Variants in MYO15A observed in about 807,000 individuals in gnomAD.
The protein encoded by MYO15A is myosin XVA, also known as unconventional myosin-XV.
In MYO15A, 308 loss-of-function variants were observed where a neutral mutation model predicts 394.6. The ratio of observed to expected loss-of-function variants is 0.78; its 90% CI spans 0.71 to 0.86. The LOEUF (loss-of-function observed/expected upper bound fraction) is 0.86, where lower values mean the gene tolerates loss of function less well. MYO15A is among the 40% of genes least tolerant of loss of function. The pLI is 0.00. For synonymous variants in MYO15A, 1,957 were observed against 2,003.8 expected (o/e 0.98, Z 0.62); for missense variants, 4,606 against 4,799.1 (o/e 0.96, Z 1.19).
At chr17:18,138,774 C>T in intron 17 of MYO15A, 37 bp from the exon 18 acceptor site, 3 of 1,611,094 alleles carry the variant, frequency 1.9e-6, no homozygotes, top group Non-Finnish European at 2.5e-6. Context: ...GGTGTCCAGG[C>T]CTCCTGCCCA....
intron 44 of MYO15A, 88 bp downstream of exon 44, chr17:18,154,278 C>A: frequency 1.3e-6 from 2 of 1,502,370 alleles, no homozygotes; most frequent in South Asian, 1.1e-5. Context: ...CCTGCCTCTG[C>A]ATGTTGGGAT....
At chr17:18,159,113 C>A in intron 53 of MYO15A, 116 bp downstream of exon 53, 1 of 1,397,802 alleles carries the variant, frequency 7.2e-7, no homozygotes, top group Non-Finnish European at 1.0e-6. Context: ...TTCTCAGCAC[C>A]CTGATTCCCT....
rs780789191 is a variant in MYO15A at position 18,120,364 on chromosome 17, G to C, written c.1564G>C (p.Val522Leu). Residue 522 changes from valine to leucine, a missense_variant, in exon 2 of 66, where the codon GTT becomes CTT. Val to Leu is a conservative substitution (Grantham distance 32). This residue lies in a region of MYO15A where 1,830 missense variants were observed against 1,689.7 expected (regional missense o/e 1.08). Coordinates refer to ENST00000647165, the MANE Select transcript of MYO15A (RefSeq NM_016239.4). ...EEEDEEELPP[V>L]SAVPYGHPFW... is the part of the protein sequence containing the mutation. ...AGAGGACGAGGAGGAGCTGCCCCCG[G>C]TTTCCGCTGTGCCCTACGGCCACCC... The C allele has an allele frequency of 2.5e-6, 4 of 1,612,032 alleles. No homozygotes were observed. Among genetic ancestry groups the C allele is most frequent in the Non-Finnish European group, 3.4e-6 (4 of 1,179,940 alleles).
chr17:18,111,341 G>GAAAAAAAAAA (rs57095827), intron 1 of MYO15A, among the ~76,000 whole-genome samples: 2 of 118,948 alleles, frequency 1.7e-5, no homozygotes, highest in Admixed American at 8.4e-5. Context: ...TCTCAAAAGA[G>GAAAAAAAAAA]AAAAAAAAAA....
intron 1 of MYO15A, 125 bp from the exon 2 acceptor site, chr17:18,118,457 C>T: frequency 2.9e-6 from 1 of 348,994 alleles, no homozygotes; most frequent in Non-Finnish European, 5.4e-6. Flanking sequence ...GAGGGCCTAA[C>T]CAGGATGAGC....
intron 55 of MYO15A, 84 bp downstream of exon 55, chr17:18,159,763 A>T (rs761161358): frequency 6.5e-7 from 1 of 1,533,794 alleles, no homozygotes; most frequent in Non-Finnish European, 9.0e-7. Context: ...ACAGGACATT[A>T]GGGTGGGAAA....
chr17:18,111,453 C>A (rs2045720740), intron 1 of MYO15A, among the ~76,000 whole-genome samples: 1 of 152,122 alleles, frequency 6.6e-6, no homozygotes, highest in African/African-American at 2.4e-5. Context: ...CCCCAAGTGC[C>A]CTGCACAGTG....
rs1597825737 is a variant in MYO15A, at chr17:18,172,624, T to C, written c.10350+334T>C. 7.9e-6 allele frequency: 3 copies of C among 380,540 alleles called. No individual in the cohort carries two copies. The East Asian group carries it at 2.0e-4, about 25-fold the overall frequency. The allele number at this position is 380,540 out of a possible 1,614,324, so 23.6% of individuals were successfully genotyped here. A position where few individuals can be genotyped will look rare whatever the true frequency, so the allele number is the denominator to read the frequency against. On this transcript the variant is annotated intron_variant, in intron 64 of 65. Transcript: ENST00000647165. Reference sequence around the variant, plus strand: ...AACAGAAGTTTATTTCTCACAATTCTGGAGGCTGGCGGTCCAAGGTCAAGG... The same window carrying C: ...AACAGAAGTTTATTTCTCACAATTCCGGAGGCTGGCGGTCCAAGGTCAAGG...
Position 18,118,833 on chromosome 17 carries a change from C to G in MYO15A, c.33C>G (p.Ala11=). The G allele has an allele frequency of 1.9e-6, 3 of 1,610,638 alleles. No individual in the cohort carries two copies. Among genetic ancestry groups the G allele is most frequent in the Non-Finnish European group, 1.7e-6 (2 of 1,178,432 alleles). The change falls in exon 2 of 66, where the codon GCC becomes GCG. Residue 11 remains alanine (A), a synonymous_variant. Coordinates refer to ENST00000647165, the MANE Select transcript of MYO15A (RefSeq NM_016239.4). MAKEEDEEKK[A]KKGKKGKKAP... The stretch of plus-strand genomic sequence containing the variant: ...AGGAGGAAGATGAGGAGAAGAAAGC[C>G]AAGAAAGGGAAGAAGGGGAAGAAGG...
chr17:18,156,718 A>T (rs988040045), intron 48 of MYO15A, among the ~76,000 whole-genome samples: 1 of 152,192 alleles, frequency 6.6e-6, no homozygotes, highest in Non-Finnish European at 1.5e-5. Context: ...CTTCAGCAGG[A>T]AAGTCTGTGA....
intron 22 of MYO15A, 146 bp downstream of exon 22, chr17:18,141,289 T>G: frequency 8.2e-7 from 1 of 1,224,888 alleles, no homozygotes; most frequent in Non-Finnish European, 1.2e-6. Context: ...ATGCTAACTG[T>G]TAATGTGGTA....
rs1169052970 is a variant in MYO15A, at chr17:18,156,976, T to C, written c.8624T>C (p.Val2875Ala). ...CAGGACTCTGACTACGTGGTCGCTG[T>C]GAGGAACTTCCTGCCTGAGGACCCT... ...LKKDSDYVVA[V>A]RNFLPEDPAL... Residue 2875 changes from valine (V) to alanine (A), a missense_variant, in exon 49 of 66, where the codon GTG (valine) becomes GCG (alanine). By Grantham distance (64) the Val-to-Ala change is moderately conservative (BLOSUM62 0). Transcript: ENST00000647165. 4 of 1,614,024 alleles carry C rather than the reference T, an allele frequency of 2.5e-6. No homozygotes were observed. Among genetic ancestry groups the C allele is most frequent in the Non-Finnish European group, 3.4e-6 (4 of 1,180,030 alleles).
intron 61 of MYO15A, 138 bp downstream of exon 61, chr17:18,166,659 C>G (rs2046859544): frequency 8.3e-7 from 1 of 1,208,114 alleles, no homozygotes; most frequent in African/African-American, 1.5e-5. Context: ...TGTCTCTGCT[C>G]CCCTATGTGG....
At position 18,119,710 on chromosome 17, in the gene MYO15A, A is replaced by G; in HGVS notation, c.910A>G (p.Thr304Ala). ...CGGTGGCCCCTTTGATCCGGGGTACACCTACGGCTACGGCTACGACGATTA... is the reference window on the plus strand; with the variant it reads ...CGGTGGCCCCTTTGATCCGGGGTACGCCTACGGCTACGGCTACGACGATTA... ...YYGGPFDPGY[T>A]YGYGYDDYEP... The change falls in exon 2 of 66, where the codon ACC becomes GCC. Residue 304 changes from threonine (T) to alanine (A), a missense_variant. Thr to Ala is a moderately conservative substitution (Grantham distance 58). This residue lies in a region of MYO15A where 1,830 missense variants were observed against 1,689.7 expected (regional missense o/e 1.08). Transcript: ENST00000647165. 1 of 1,611,174 alleles carries G rather than the reference A, an allele frequency of 6.2e-7. No individual in the cohort carries two copies.
In MYO15A at chr17:18,141,057, A is replaced by C; in HGVS notation, c.5445A>C (p.Gln1815His). 2 of 1,614,060 alleles carry C rather than the reference A, an allele frequency of 1.2e-6. No individual in the cohort carries two copies. Among genetic ancestry groups the C allele is most frequent in the Non-Finnish European group, 1.7e-6 (2 of 1,180,042 alleles). The change falls in exon 22 of 66, where the codon CAA becomes CAC. Residue 1815 changes from glutamine (Q) to histidine (H), a missense_variant. This residue lies in a region of MYO15A where 2,776 missense variants were observed against 3,109.3 expected (regional missense o/e 0.89). Coordinates refer to ENST00000647165, the MANE Select transcript of MYO15A (RefSeq NM_016239.4). ...GLFEPDVVMA[Q>H]LRYSGVLETV... ...TTGAGCCAGATGTGGTAATGGCACA[A>C]TTACGCTATTCAGGGGTGCTGGAGA...
chr17:18,174,539 G>A (rs1412043996), intron 65 of MYO15A, among the ~76,000 whole-genome samples: 3 of 152,218 alleles, frequency 2.0e-5, no homozygotes, highest in African/African-American at 4.8e-5. Flanking sequence ...AGGTGTTGGA[G>A]TTCGAGGCTG....
chr17:18,148,305 TG>T lies in MYO15A; in HGVS notation c.6691+99del. 6.5e-7 allele frequency: 1 copy of T among 1,545,404 alleles called. No individual in the cohort carries two copies. Among genetic ancestry groups the T allele is most frequent in the South Asian group, 1.2e-5 (1 of 86,112 alleles). ...CAGAAGCCACTGGATGTTCTGGAGC[TG>T]GGGAGGGGCCTTCTCAGATGTGGCT... On this transcript the variant is annotated intron_variant, in intron 31 of 65. Coordinates refer to ENST00000647165, the MANE Select transcript of MYO15A (RefSeq NM_016239.4). The surrounding 1 kb of genome is among the most constrained non-coding windows in gnomAD (Gnocchi z 4.8).
intron 1 of MYO15A, among the ~76,000 whole-genome samples, chr17:18,116,400 G>A (rs768933007): frequency 5.3e-5 from 8 of 152,354 alleles, no homozygotes; most frequent in East Asian, 1.9e-4. Flanking sequence ...CTCTGGACTC[G>A]GCCAGGCCTG....
In MYO15A at chr17:18,150,787, G is replaced by T. The variant is rs2046566201; in HGVS notation, c.7395+22G>T. ...GCTGGTGAGTGAGGGAGGGACTGCT[G>T]GGGGGTGGAGAATGGACCTGCCTGG... is the stretch of plus-strand genomic sequence containing the variant. On this transcript the variant is annotated intron_variant, in intron 37 of 65. Coordinates refer to ENST00000647165, the MANE Select transcript of MYO15A (RefSeq NM_016239.4). The surrounding 1 kb of genome is among the most constrained non-coding windows in gnomAD (Gnocchi z 4.4). The T allele has an allele frequency of 1.9e-6, 3 of 1,580,974 alleles. No individual in the cohort carries two copies. Among genetic ancestry groups the T allele is most frequent in the Non-Finnish European group, 2.6e-6 (3 of 1,162,678 alleles).
Sources: allele counts gnomAD v4.1 joint callset (sites outside exome capture counted in the v4.1 genomes callset), GRCh38; gene constraint gnomAD v4.1.1; regional missense constraint gnomAD v4.1.1; non-coding constraint Gnocchi (gnomAD v3.1); transcripts MANE v1.5; gene names NCBI Gene and HGNC (gene_info 2026-07-23, HGNC 2026-07-21).